Variants in SLC9A2 observed in about 807,000 individuals in gnomAD.
The protein encoded by SLC9A2 is sodium/hydrogen exchanger 2.
A neutral mutation model predicts 71.7 loss-of-function variants in SLC9A2; 42 were observed. The ratio of observed to expected loss-of-function variants is 0.59; its 90% confidence interval spans 0.46 to 0.76. The LOEUF is 0.76. SLC9A2 is among the 30% of genes least tolerant of loss of function. The probability of loss-of-function intolerance (pLI) is 0.00; values close to 1 mark genes in which losing one functional copy is unlikely to be tolerated. For missense variants in SLC9A2, 829 were observed against 1,017.4 expected, an observed-to-expected ratio of 0.81 and a Z score of 2.52; for synonymous variants, 396 against 392.5, an observed-to-expected ratio of 1.01 and a Z score of -0.10.
chr2:102,641,849 G>A lies in SLC9A2; in HGVS notation c.290-15715G>A, dbSNP rs1218577600. 5.0e-5 allele frequency among the ~76,000 whole-genome samples: 7 copies of A among 140,370 alleles called. No homozygotes were observed. The Admixed American group carries it at 5.4e-4, about 11-fold the overall frequency. 92.1% of individuals were successfully genotyped at this position (140,370 alleles called of 152,430 possible). A position where few individuals can be genotyped will look rare whatever the true frequency, so the allele number is the denominator to read the frequency against. On this transcript the variant is annotated intron_variant, in intron 1 of 11. Coordinates refer to ENST00000233969, the MANE Select transcript of SLC9A2 (RefSeq NM_003048.6). ...CACTCATAGATGGGAATTGAACAAT[G>A]AGAATACTTGGACACAGGGTGGGGA... is the stretch of plus-strand genomic sequence containing the variant.
chr2:102,698,028 C>G (rs1222085782), intron 7 of SLC9A2, among the ~76,000 whole-genome samples: 2 of 152,156 alleles, frequency 1.3e-5, no homozygotes, highest in Non-Finnish European at 2.9e-5. Flanking sequence ...GGAAAACGCA[C>G]TATCCCTACA....
At chr2:102,694,389 T>G (rs772572357) in intron 5 of SLC9A2, 25 bp from the exon 6 acceptor site, 2 of 1,038,112 alleles carry the variant, frequency 1.9e-6, no homozygotes, top group Non-Finnish European at 2.7e-6. Flanking sequence ...ATATATGAAA[T>G]GCTTAAATTG....
At chr2:102,675,424 A>G (rs1677330463) in intron 3 of SLC9A2, among the ~76,000 whole-genome samples, 1 of 152,234 alleles carries the variant, frequency 6.6e-6, no homozygotes, top group African/African-American at 2.4e-5. Flanking sequence ...TGATAAATAC[A>G]TAATCAGAGT....
In SLC9A2 at chr2:102,665,773, TAAAAAAAAAAAAAAA is replaced by T. The variant is rs11426516; in HGVS notation, c.1004+437_1004+451del. Among the ~76,000 whole-genome samples, 5 of 38,770 alleles carry T rather than the reference TAAAAAAAAAAAAAAA, an allele frequency of 1.3e-4. No individual in the cohort carries two copies. The South Asian group carries it at 6.5e-3, about 50-fold the overall frequency. The allele number at this position is 38,770 out of a possible 152,430, so 25.4% of individuals were successfully genotyped here. A position where few individuals can be genotyped will look rare whatever the true frequency, so the allele number is the denominator to read the frequency against. On this transcript the variant is annotated intron_variant, in intron 3 of 11. Coordinates refer to ENST00000233969, the MANE Select transcript of SLC9A2 (RefSeq NM_003048.6). Reference sequence around the variant, plus strand: ...TGGGCCACACAGCAAGACTCTGTCTTAAAAAAAAAAAAAAAAAAAAAAAAAAAAGATTTTTCTTAT... The same window carrying T: ...TGGGCCACACAGCAAGACTCTGTCTTAAAAAAAAAAAAAGATTTTTCTTAT...
chr2:102,688,449 G>A (rs1677593372), intron 5 of SLC9A2, among the ~76,000 whole-genome samples: 1 of 152,182 alleles, frequency 6.6e-6, no homozygotes, highest in Admixed American at 6.5e-5. Context: ...TTATAACGAG[G>A]CCATGTGCAG....
intron 1 of SLC9A2, among the ~76,000 whole-genome samples, chr2:102,654,376 A>G (rs1676894937): frequency 6.6e-6 from 1 of 151,982 alleles, no homozygotes; most frequent in South Asian, 2.1e-4. Flanking sequence ...GTCATAGGTA[A>G]AGAGCAGCTG....
chr2:102,701,042 AATTT>A, intron 7 of SLC9A2, 24 bp from the exon 8 acceptor site: 1 of 1,474,434 alleles, frequency 6.8e-7, no homozygotes, highest in Non-Finnish European at 9.3e-7. Flanking sequence ...ATCCAGTATT[AATTT>A]ATTGAAAGTT....
chr2:102,653,794 G>C (rs1250338966), intron 1 of SLC9A2, among the ~76,000 whole-genome samples: 2 of 152,202 alleles, frequency 1.3e-5, no homozygotes, highest in Non-Finnish European at 2.9e-5. Context: ...TTTCCTGTTT[G>C]TCTCCATGGA....
chr2:102,691,414 C>T lies in SLC9A2; in HGVS notation c.1426-3000C>T, dbSNP rs139707178. On this transcript the variant is annotated intron_variant, in intron 5 of 11. Transcript: ENST00000233969. ...GGTTAAAATAAGGTGCTTTCTTGGT[C>T]TTTGTTGTTTCTTTCTCCCTCCCAA... Among the ~76,000 whole-genome samples, 973 of 152,134 alleles carry T rather than the reference C, an allele frequency of 6.4e-3. 11 individuals carry two copies. The highest frequency in any genetic ancestry group is 0.023 in the African/African-American group (942 of 41,510).
Position 102,619,580 on chromosome 2 carries a change from C to A in SLC9A2, c.-269C>A, listed in dbSNP as rs949584151. On this transcript the variant is annotated 5_prime_UTR_variant, in exon 1 of 12. Transcript: ENST00000233969. The surrounding 1 kb of genome is among the most constrained non-coding windows in gnomAD (Gnocchi z 4.3). ...AGAGCAGCGCACCGGCATGGGCAGG[C>A]GGCCGGCGGCGGAGGGCGGCTGAGG... is the stretch of plus-strand genomic sequence containing the variant. 3.5e-4 allele frequency: 107 copies of A among 303,178 alleles called. No individual in the cohort carries two copies. The East Asian group carries it at 5.7e-3, about 16-fold the overall frequency. 18.8% of individuals were successfully genotyped at this position (303,178 alleles called of 1,614,324 possible).
intron 2 of SLC9A2, among the ~76,000 whole-genome samples, chr2:102,663,154 A>T (rs1279086198): frequency 6.6e-6 from 1 of 152,214 alleles, no homozygotes; most frequent in African/African-American, 2.4e-5. Flanking sequence ...TGGGTACTAC[A>T]TGAAGCCATT....
At chr2:102,696,721 C>G (rs1187971852) in intron 7 of SLC9A2, among the ~76,000 whole-genome samples, 1 of 152,146 alleles carries the variant, frequency 6.6e-6, no homozygotes, top group Non-Finnish European at 1.5e-5. Context: ...TAGACAGGGC[C>G]CTGGGACTCA....
chr2:102,703,529 C>T (rs1677914897), intron 9 of SLC9A2, among the ~76,000 whole-genome samples: 1 of 152,172 alleles, frequency 6.6e-6, no homozygotes, highest in South Asian at 2.1e-4. Flanking sequence ...TGGAATAGCA[C>T]TTGGAGCTTA....
intron 2 of SLC9A2, among the ~76,000 whole-genome samples, chr2:102,663,477 A>T (rs1378827725): frequency 6.6e-6 from 1 of 152,196 alleles, no homozygotes; most frequent in African/African-American, 2.4e-5. Context: ...TTAAACCCAT[A>T]TTGTGGTAGG....
intron 2 of SLC9A2, among the ~76,000 whole-genome samples, chr2:102,661,085 A>G (rs942786403): frequency 6.6e-6 from 1 of 152,224 alleles, no homozygotes; most frequent in African/African-American, 2.4e-5. Flanking sequence ...AGAAGTAACT[A>G]GAGACATGAC....
Position 102,709,365 on chromosome 2 carries a change from G to C in SLC9A2, c.*876G>C, listed in dbSNP as rs574747642. ...GGGCAGCACCTGGTTACAACTTGCT[G>C]GTGGGTTTTATGTTGTGCAATACTA... On this transcript the variant is annotated 3_prime_UTR_variant, in exon 12 of 12. Coordinates refer to ENST00000233969, the MANE Select transcript of SLC9A2 (RefSeq NM_003048.6). The C allele has an allele frequency of 6.6e-6, 1 of 152,232 alleles. No homozygotes were observed. Among genetic ancestry groups the C allele is most frequent in the Admixed American group, 6.5e-5 (1 of 15,288 alleles). 9.4% of individuals were successfully genotyped at this position (152,232 alleles called of 1,614,324 possible).
intron 5 of SLC9A2, among the ~76,000 whole-genome samples, chr2:102,685,571 T>C (rs1221385197): frequency 1.3e-5 from 2 of 152,212 alleles, no homozygotes; most frequent in African/African-American, 4.8e-5. Context: ...GGTAAGATCC[T>C]AGAATACATT....
At position 102,708,699 on chromosome 2, in the gene SLC9A2, C is replaced by A; in HGVS notation, c.*210C>A. On this transcript the variant is annotated 3_prime_UTR_variant, in exon 12 of 12. Coordinates refer to ENST00000233969, the MANE Select transcript of SLC9A2 (RefSeq NM_003048.6). ...TAGTCCCACAAAATACCTTTTGTGA[C>A]TAATGGGTAGCAATCGTATTATTTG... 1 of 538,614 alleles carries A rather than the reference C, an allele frequency of 1.9e-6. No homozygotes were observed. The highest frequency in any genetic ancestry group is 3.2e-6 in the Non-Finnish European group (1 of 313,210). 33.4% of individuals were successfully genotyped at this position (538,614 alleles called of 1,614,324 possible).
intron 1 of SLC9A2, among the ~76,000 whole-genome samples, chr2:102,626,292 G>A (rs1033865529): frequency 1.3e-5 from 2 of 152,070 alleles, no homozygotes; most frequent in African/African-American, 4.8e-5. Context: ...TCTGATCTTT[G>A]ACAAACCTGA....
Sources: allele counts gnomAD v4.1 joint callset (sites outside exome capture counted in the v4.1 genomes callset), GRCh38; gene constraint gnomAD v4.1.1; non-coding constraint Gnocchi (gnomAD v3.1); transcripts MANE v1.5; gene names NCBI Gene and HGNC (gene_info 2026-07-23, HGNC 2026-07-21).